Variants in WWOX observed in about 807,000 individuals in gnomAD.
The protein encoded by WWOX is WW domain-containing oxidoreductase.
A neutral mutation model predicts 46.2 loss-of-function variants in WWOX; 69 were observed. That is an observed-to-expected ratio of 1.49 (90% CI 1.23 to 1.82). The LOEUF (loss-of-function observed/expected upper bound fraction) is 1.82. Ranked by LOEUF, WWOX falls within the 40% of genes most tolerant of loss-of-function variation. The pLI is 0.00. For missense variants in WWOX, 919 were observed against 542.6 expected (o/e 1.69, Z -6.89); for synonymous variants, 359 against 202.6 (o/e 1.77, Z -6.56).
chr16:78,989,821 CGTGTGTGTGTGTGT>C (rs71384389), intron 8 of WWOX, among the ~76,000 whole-genome samples: 26 of 136,508 alleles, frequency 1.9e-4, no homozygotes, highest in African/African-American at 6.9e-4. Context: ...GGTGTGTGAG[CGTGTGTGTGTGTGT>C]GTGTGTGTGT....
intron 8 of WWOX, among the ~76,000 whole-genome samples, chr16:78,870,140 A>G (rs945781985): frequency 2.6e-5 from 4 of 152,160 alleles, no homozygotes; most frequent in South Asian, 4.1e-4. Context: ...CAATCCTCAA[A>G]CAGGAAGGGG....
At chr16:78,120,784 A>G (rs1314374728) in intron 4 of WWOX, among the ~76,000 whole-genome samples, 2 of 152,142 alleles carry the variant, frequency 1.3e-5, no homozygotes, top group East Asian at 3.9e-4. Flanking sequence ...ATCTTGTGCA[A>G]ATTTTACCAG....
chr16:78,767,049 T>C (rs1216565461), intron 8 of WWOX, among the ~76,000 whole-genome samples: 1 of 151,816 alleles, frequency 6.6e-6, no homozygotes, highest in Admixed American at 6.6e-5. Context: ...TCTTTCTTTC[T>C]TCCTCTCCTT....
chr16:79,107,838 C>G (rs1567555129), intron 8 of WWOX, among the ~76,000 whole-genome samples: 1 of 152,094 alleles, frequency 6.6e-6, no homozygotes, highest in African/African-American at 2.4e-5. Context: ...GCCATAATGT[C>G]TAATAATTCG....
intron 8 of WWOX, among the ~76,000 whole-genome samples, chr16:78,877,388 G>A (rs1002406984): frequency 5.9e-5 from 9 of 151,730 alleles, no homozygotes; most frequent in Non-Finnish European, 1.3e-4. Context: ...TGTCTCAGAC[G>A]CTTTGCCTTT....
At chr16:79,061,932 G>A (rs1400382741) in intron 8 of WWOX, among the ~76,000 whole-genome samples, 1 of 152,162 alleles carries the variant, frequency 6.6e-6, no homozygotes, top group African/African-American at 2.4e-5. Context: ...CTGTGATATT[G>A]GGAAAGTGGG....
chr16:78,750,039 GA>G (rs1466471208), intron 8 of WWOX, among the ~76,000 whole-genome samples: 1 of 152,110 alleles, frequency 6.6e-6, no homozygotes, highest in Non-Finnish European at 1.5e-5. Flanking sequence ...CTCTATCAGG[GA>G]AAAATAGGAG....
At chr16:78,215,299 C>A (rs1165533148) in intron 5 of WWOX, among the ~76,000 whole-genome samples, 1 of 152,138 alleles carries the variant, frequency 6.6e-6, no homozygotes, top group African/African-American at 2.4e-5. Flanking sequence ...TGTCCCCACC[C>A]AAATCTCATT....
chr16:78,333,043 CTTTTTTTTTTTTTT>C (rs11289222), intron 5 of WWOX, among the ~76,000 whole-genome samples: 16 of 57,094 alleles, frequency 2.8e-4, no homozygotes, highest in Non-Finnish European at 4.9e-4. Context: ...GAGCATTATA[CTTTTTTTTTTTTTT>C]TTTTTTTTTT....
At chr16:79,085,209 C>G (rs1362594596) in intron 8 of WWOX, among the ~76,000 whole-genome samples, 3 of 152,200 alleles carry the variant, frequency 2.0e-5, no homozygotes, top group African/African-American at 7.2e-5. Context: ...CTCTCTTTCT[C>G]TCACTTGACT....
At chr16:78,644,759 A>C (rs866711856) in intron 8 of WWOX, among the ~76,000 whole-genome samples, 3 of 152,208 alleles carry the variant, frequency 2.0e-5, no homozygotes, top group Admixed American at 6.5e-5. Flanking sequence ...CACTGTGCCC[A>C]GCCAAACCTC....
In WWOX at chr16:78,699,211, C is replaced by T. The variant is rs528564515; in HGVS notation, c.1056+266459C>T. Among the ~76,000 whole-genome samples, 17 of 152,330 alleles carry T rather than the reference C, an allele frequency of 1.1e-4. No homozygotes were observed. The South Asian group carries it at 1.7e-3, about 15-fold the overall frequency. On this transcript the variant is annotated intron_variant, in intron 8 of 8. Coordinates refer to ENST00000566780, the MANE Select transcript of WWOX (RefSeq NM_016373.4). ...ATCAGCCATAGTTTCCCAACCTCTG[C>T]TTTGGAAGGCCTAACTCAGTTAAAC...
chr16:79,210,410 C>T (rs2051686265), intron 8 of WWOX, among the ~76,000 whole-genome samples: 2 of 152,098 alleles, frequency 1.3e-5, no homozygotes, highest in Non-Finnish European at 2.9e-5. Flanking sequence ...CAGTAAGCAC[C>T]CTGCATGGTC....
intron 5 of WWOX, among the ~76,000 whole-genome samples, chr16:78,202,296 T>C (rs1262170947): frequency 1.3e-5 from 2 of 152,200 alleles, no homozygotes; most frequent in East Asian, 1.9e-4. Context: ...AGGCCTCTGG[T>C]AGAAAGGAAG....
intron 8 of WWOX, among the ~76,000 whole-genome samples, chr16:78,754,079 C>T (rs1278195963): frequency 6.6e-6 from 1 of 151,746 alleles, no homozygotes; most frequent in African/African-American, 2.4e-5. Flanking sequence ...TCCCATTGGG[C>T]ATTGCTAAGT....
intron 8 of WWOX, among the ~76,000 whole-genome samples, chr16:78,849,083 C>T (rs1278299670): frequency 6.6e-6 from 1 of 152,162 alleles, no homozygotes; most frequent in Non-Finnish European, 1.5e-5. Flanking sequence ...CACAGCTCCC[C>T]AGGGTCTACT....
chr16:78,963,220 G>A (rs2046304529), intron 8 of WWOX, among the ~76,000 whole-genome samples: 1 of 152,140 alleles, frequency 6.6e-6, no homozygotes, highest in South Asian at 2.1e-4. Flanking sequence ...TGTAATACCA[G>A]CATTTTGAGA....
intron 8 of WWOX, among the ~76,000 whole-genome samples, chr16:79,011,135 CCACACACACACA>C (rs10611855): frequency 0.27 from 38,883 of 146,202 alleles, 5,278 homozygotes; most frequent in East Asian, 0.48. Context: ...ACTCACACAT[CCACACACACACA>C]CACACACACA....
intron 8 of WWOX, among the ~76,000 whole-genome samples, chr16:79,210,168 A>G (rs1016909661): frequency 2.0e-5 from 3 of 152,216 alleles, no homozygotes; most frequent in Admixed American, 2.0e-4. Context: ...ACTTGACTGC[A>G]TTTGACCATT....
Sources: allele counts gnomAD v4.1 joint callset (sites outside exome capture counted in the v4.1 genomes callset), GRCh38; gene constraint gnomAD v4.1.1; transcripts MANE v1.5; gene names NCBI Gene and HGNC (gene_info 2026-07-23, HGNC 2026-07-21).